SLC35E4: variants seen among roughly 807,000 people sequenced by gnomAD.
The protein encoded by SLC35E4 is solute carrier family 35 member E4.
SLC35E4 carries 15 observed loss-of-function variants against 19.3 expected under a neutral mutation model. The observed-to-expected ratio is 0.78, with a 90% CI of 0.52 to 1.20. The LOEUF is 1.20. SLC35E4 is among the 50% of genes most tolerant of loss of function. The pLI is 0.00. For missense variants in SLC35E4, 406 were observed against 472.3 expected (o/e 0.86, Z 1.30); for synonymous variants, 219 against 219.9 (o/e 1.00, Z 0.04).
intron 2 of SLC35E4, chr22:30,654,131 C>T: frequency 4.3e-6 from 1 of 231,910 alleles, no homozygotes; most frequent in Non-Finnish European, 8.5e-6. Flanking sequence ...GGGCGCCCGC[C>T]ACCACGCCCG....
rs771872510 is a variant in SLC35E4 at position 30,646,675 on chromosome 22, G to A, written c.697G>A (p.Ala233Thr). The A allele has an allele frequency of 5.6e-6, 9 of 1,611,670 alleles. No homozygotes were observed. Among genetic ancestry groups the A allele is most frequent in the Non-Finnish European group, 7.6e-6 (9 of 1,179,040 alleles). The part of the protein sequence containing the change: ...ATSLPSFCLL[A>T]GAALVLEAGV... Reference sequence around the variant, plus strand: ...CTCGCTGCCCAGCTTCTGCCTGCTGGCGGGTGCAGCCCTGGTGCTGGAGGC... The same window carrying A: ...CTCGCTGCCCAGCTTCTGCCTGCTGACGGGTGCAGCCCTGGTGCTGGAGGC... Residue 233 changes from alanine (A) to threonine (T), a missense_variant, in exon 2 of 2, where the codon GCG becomes ACG. Coordinates refer to ENST00000343605, the MANE Select transcript of SLC35E4 (RefSeq NM_001001479.4).
At chr22:30,654,871 AT>A (rs2088302497) in intron 2 of SLC35E4, 1 of 178,978 alleles carries the variant, frequency 5.6e-6, no homozygotes, top group Non-Finnish European at 1.2e-5. Context: ...AGGGAAGGGC[AT>A]GGGGCCCCTT....
At position 30,647,582 on chromosome 22, in the gene SLC35E4, A is replaced by G. The variant is rs41282547; in HGVS notation, c.*551A>G. ...CTGCACACCACTGGATGGTGGGTCCAAGCCTGGCACAGTCCCTGTGCTTGT... is the reference window on the plus strand; with the variant it reads ...CTGCACACCACTGGATGGTGGGTCCGAGCCTGGCACAGTCCCTGTGCTTGT... On this transcript the variant is annotated 3_prime_UTR_variant, in exon 2 of 2. Coordinates refer to ENST00000343605, the MANE Select transcript of SLC35E4 (RefSeq NM_001001479.4). 58 of 153,500 alleles carry G rather than the reference A, an allele frequency of 3.8e-4. No homozygotes were observed. The highest frequency in any genetic ancestry group is 2.1e-3 in the South Asian group (10 of 4,876). 9.5% of individuals were successfully genotyped at this position (153,500 alleles called of 1,614,324 possible).
intron 2 of SLC35E4, among the ~76,000 whole-genome samples, chr22:30,658,872 C>T (rs2088399159): frequency 6.6e-6 from 1 of 152,152 alleles, no homozygotes; most frequent in South Asian, 2.1e-4. Flanking sequence ...CGGCTGGGCG[C>T]GGTGGCTCAC....
At chr22:30,667,979 C>T (rs765716151), downstream of SLC35E4, 2 of 153,136 alleles carry the variant, frequency 1.3e-5, no homozygotes, top group Non-Finnish European at 1.5e-5. Context: ...AACTCCAGGT[C>T]TGCGCGCGTC....
Position 30,646,986 on chromosome 22 carries a change from C to T in SLC35E4, c.1008C>T (p.Ala336=). 6.2e-7 allele frequency: 1 copy of T among 1,612,980 alleles called. No individual in the cohort carries two copies. Among genetic ancestry groups the T allele is most frequent in the Non-Finnish European group, 8.5e-7 (1 of 1,179,694 alleles). ...GCGAGTTCGTGGCCTCCTGGGCTGC[C>T]CGTCGGGGGCTGTGGCGGAGGGACC... is the stretch of plus-strand genomic sequence containing the variant. ...HNCEFVASWA[A]RRGLWRRDQP... Residue 336 remains alanine (A), a synonymous_variant, in exon 2 of 2, where the codon GCC becomes GCT. Coordinates refer to ENST00000343605, the MANE Select transcript of SLC35E4 (RefSeq NM_001001479.4).
downstream of SLC35E4, chr22:30,663,683 A>G: frequency 1.9e-6 from 3 of 1,614,234 alleles, no homozygotes; most frequent in Non-Finnish European, 2.5e-6. Flanking sequence ...AGCGGCTCAC[A>G]CCAGCAGCAC....
At chr22:30,651,415 ATATATATATATATTTTT>A (rs2088213003), downstream of SLC35E4, among the ~76,000 whole-genome samples, 1 of 67,176 alleles carries the variant, frequency 1.5e-5, no homozygotes, top group African/African-American at 7.9e-5. Flanking sequence ...ATATATATAT[ATATATATATATATTTTT>A]TTTTTTTTTT....
At chr22:30,638,740 AG>A (rs1415379036) in intron 1 of SLC35E4, among the ~76,000 whole-genome samples, 2 of 152,120 alleles carry the variant, frequency 1.3e-5, no homozygotes, top group Non-Finnish European at 2.9e-5. Context: ...TGAACCTGGG[AG>A]GCGGAGGTTG....
downstream of SLC35E4, among the ~76,000 whole-genome samples, chr22:30,664,681 T>C (rs967965754): frequency 6.6e-6 from 1 of 152,206 alleles, no homozygotes; most frequent in South Asian, 2.1e-4. Context: ...CTAAGAACCA[T>C]CTCTTTAAAG....
In SLC35E4 at chr22:30,636,778, G is replaced by A. The variant is rs764799861; in HGVS notation, c.328G>A (p.Val110Ile). ...RPMPGGTRCRVLLLSLTFGTS... is the reference protein window; with the variant it reads ...RPMPGGTRCRILLLSLTFGTS... ...CATGCCAGGCGGCACTCGCTGCCGA[G>A]TCCTACTGCTCAGTCTCACCTTTGG... Residue 110 changes from valine to isoleucine, a missense_variant, in exon 1 of 2, where the codon GTC (valine) becomes ATC (isoleucine). By Grantham distance (29) the Val-to-Ile change is conservative. Coordinates refer to ENST00000343605, the MANE Select transcript of SLC35E4 (RefSeq NM_001001479.4). The A allele has an allele frequency of 6.2e-7, 1 of 1,612,500 alleles. No homozygotes were observed. Among genetic ancestry groups the A allele is most frequent in the African/African-American group, 1.3e-5 (1 of 75,040 alleles).
At chr22:30,653,130 G>C (rs2088256175) in intron 2 of SLC35E4, among the ~76,000 whole-genome samples, 1 of 152,162 alleles carries the variant, frequency 6.6e-6, no homozygotes, top group African/African-American at 2.4e-5. Flanking sequence ...GTAAATGCTT[G>C]CTCAGTGAGG....
chr22:30,659,506 T>C (rs2088416854), intron 2 of SLC35E4, among the ~76,000 whole-genome samples: 1 of 152,112 alleles, frequency 6.6e-6, no homozygotes, highest in South Asian at 2.1e-4. Flanking sequence ...CCCGGGTAGC[T>C]GTGATTACAG....
At position 30,646,870 on chromosome 22, in the gene SLC35E4, C is replaced by A. The variant is rs1173525738; in HGVS notation, c.892C>A (p.Leu298Met). 1 of 1,614,152 alleles carries A rather than the reference C, an allele frequency of 6.2e-7. No individual in the cohort carries two copies. Among genetic ancestry groups the A allele is most frequent in the Non-Finnish European group, 8.5e-7 (1 of 1,180,058 alleles). Residue 298 changes from leucine to methionine, a missense_variant, in exon 2 of 2, where the codon CTG becomes ATG. Physicochemically the swap from Leu to Met is conservative, Grantham distance 15. Coordinates refer to ENST00000343605, the MANE Select transcript of SLC35E4 (RefSeq NM_001001479.4). ...GNLTVVGNLI[L>M]SRLLFGSRLS... is the part of the protein sequence containing the mutation. Reference sequence around the variant, plus strand: ...CCTCACCGTGGTGGGCAACCTCATCCTGTCCCGGCTGTTGTTTGGCAGCCG... The same window carrying A: ...CCTCACCGTGGTGGGCAACCTCATCATGTCCCGGCTGTTGTTTGGCAGCCG...
At chr22:30,643,596 C>G (rs1356087765) in intron 1 of SLC35E4, among the ~76,000 whole-genome samples, 1 of 152,072 alleles carries the variant, frequency 6.6e-6, no homozygotes, top group African/African-American at 2.4e-5. Context: ...GGGATCATGC[C>G]AGCTGCCGGG....
At chr22:30,648,366 T>C (rs989374055), downstream of SLC35E4, among the ~76,000 whole-genome samples, 24 of 152,000 alleles carry the variant, frequency 1.6e-4, no homozygotes, top group African/African-American at 5.6e-4. Flanking sequence ...GTTCCCTCCG[T>C]CCAGTCCCCG....
At chr22:30,641,724 T>C (rs1313204058) in intron 1 of SLC35E4, among the ~76,000 whole-genome samples, 7 of 107,988 alleles carry the variant, frequency 6.5e-5, no homozygotes, top group African/African-American at 4.4e-4. Flanking sequence ...TTTAATTTTT[T>C]TTTTTTTTTT....
downstream of SLC35E4, chr22:30,668,142 C>T (rs892979228): frequency 6.1e-6 from 1 of 163,490 alleles, no homozygotes; most frequent in East Asian, 1.9e-4. Flanking sequence ...TGACTACGCC[C>T]TTGGTCACAG....
chr22:30,636,195 C>A lies in SLC35E4; in HGVS notation c.-256C>A. On this transcript the variant is annotated 5_prime_UTR_variant, in exon 1 of 2. Transcript: ENST00000343605. ...TGGCACGGGGCAGAGGTGCCTGGAG[C>A]CCACGCTTGAGCATCGGAGACCCTG... 1 of 492,036 alleles carries A rather than the reference C, an allele frequency of 2.0e-6. No individual in the cohort carries two copies. Among genetic ancestry groups the A allele is most frequent in the Non-Finnish European group, 3.6e-6 (1 of 280,988 alleles). 30.5% of individuals were successfully genotyped at this position (492,036 alleles called of 1,614,324 possible).
Sources: gnomAD v4.1 joint callset for allele counts (sites outside exome capture counted in the v4.1 genomes callset) on GRCh38, gnomAD v4.1.1 for gene constraint, MANE v1.5 for transcripts, NCBI Gene and HGNC (gene_info 2026-07-23, HGNC 2026-07-21) for gene names.